ZFAND3: variants seen among roughly 807,000 people sequenced by gnomAD.
ZFAND3 encodes the protein zinc finger AN1-type containing 3, also known as AN1-type zinc finger protein 3.
In ZFAND3, 10 loss-of-function variants were observed where a neutral mutation model predicts 29.6. The ratio of observed to expected loss-of-function variants is 0.34; its 90% CI spans 0.21 to 0.57. ZFAND3 has a LOEUF of 0.57. ZFAND3 is among the 20% of genes least tolerant of loss of function. ZFAND3 has a pLI of 0.86. For synonymous variants in ZFAND3, 128 were observed against 112.6 expected, an observed-to-expected ratio of 1.14 and a Z score of -0.87; for missense variants, 230 against 304.5, an observed-to-expected ratio of 0.76 and a Z score of 1.82.
intron 2 of ZFAND3, among the ~76,000 whole-genome samples, chr6:37,932,278 T>G (rs796582972): frequency 1.3e-5 from 2 of 150,910 alleles, no homozygotes; most frequent in African/African-American, 2.4e-5. Flanking sequence ...AAAAAATAAA[T>G]AAATAAAAGG....
At chr6:38,083,053 G>A (rs112814452) in intron 4 of ZFAND3, among the ~76,000 whole-genome samples, 1 of 152,124 alleles carries the variant, frequency 6.6e-6, no homozygotes, top group Non-Finnish European at 1.5e-5. Context: ...TATTTTAAGC[G>A]ATATTTGCCT....
chr6:37,980,180 C>G (rs1387458730), intron 2 of ZFAND3, among the ~76,000 whole-genome samples: 1 of 128,174 alleles, frequency 7.8e-6, no homozygotes, highest in Non-Finnish European at 1.6e-5. Context: ...TTTTTTTTTG[C>G]TAGATATCCA....
chr6:37,852,696 T>C (rs974881482), intron 1 of ZFAND3, among the ~76,000 whole-genome samples: 2 of 151,914 alleles, frequency 1.3e-5, no homozygotes, highest in South Asian at 2.1e-4. Flanking sequence ...CACATTCTTA[T>C]GTGTATTTCC....
chr6:38,043,385 CT>C (rs1269602330), intron 2 of ZFAND3, among the ~76,000 whole-genome samples: 2 of 151,348 alleles, frequency 1.3e-5, no homozygotes, highest in East Asian at 2.0e-4. Context: ...TCTCCTCCCC[CT>C]CTCCTCTGCT....
intron 1 of ZFAND3, among the ~76,000 whole-genome samples, chr6:37,828,956 GTAT>G (rs776913194): frequency 1.4e-4 from 22 of 152,136 alleles, no homozygotes; most frequent in Non-Finnish European, 2.8e-4. Flanking sequence ...GGCCTGGATG[GTAT>G]TATTCTTTTT....
At chr6:37,976,584 CAAAA>C (rs35783371) in intron 2 of ZFAND3, among the ~76,000 whole-genome samples, 2 of 76,908 alleles carry the variant, frequency 2.6e-5, no homozygotes, top group East Asian at 4.5e-4. Context: ...ACACTGTCTC[CAAAA>C]AAAAAAAAAA....
intron 1 of ZFAND3, among the ~76,000 whole-genome samples, chr6:37,914,112 G>A (rs918807383): frequency 3.3e-5 from 5 of 152,162 alleles, no homozygotes; most frequent in African/African-American, 1.2e-4. Context: ...AATGAATGTT[G>A]TGTTTGCAGG....
intron 1 of ZFAND3, among the ~76,000 whole-genome samples, chr6:37,880,535 A>G (rs1177326463): frequency 6.6e-6 from 1 of 152,034 alleles, no homozygotes. Context: ...AGGATGAGAT[A>G]CCCCCTCTGA....
chr6:38,022,762 A>G (rs925314312), intron 2 of ZFAND3, among the ~76,000 whole-genome samples: 4 of 152,222 alleles, frequency 2.6e-5, no homozygotes, highest in African/African-American at 9.6e-5. Flanking sequence ...CTAAGAGCAG[A>G]TAGGTAAATT....
chr6:37,835,273 C>T (rs1763945363), intron 1 of ZFAND3, among the ~76,000 whole-genome samples: 1 of 152,124 alleles, frequency 6.6e-6, no homozygotes, highest in South Asian at 2.1e-4. Flanking sequence ...ATCTTCCTGC[C>T]TCAGCCTCCC....
intron 1 of ZFAND3, among the ~76,000 whole-genome samples, chr6:37,831,616 C>T (rs1043639085): frequency 1.3e-5 from 2 of 152,124 alleles, no homozygotes; most frequent in African/African-American, 2.4e-5. Flanking sequence ...GAACTGAGGG[C>T]GGCCAGGAGA....
chr6:37,996,192 G>C (rs577402430), intron 2 of ZFAND3, among the ~76,000 whole-genome samples: 2 of 151,564 alleles, frequency 1.3e-5, no homozygotes, highest in South Asian at 4.2e-4. Context: ...TTTAAGTGCA[G>C]ATTTTCAATG....
At chr6:38,016,532 T>C (rs143006090) in intron 2 of ZFAND3, among the ~76,000 whole-genome samples, 336 of 152,340 alleles carry the variant, frequency 2.2e-3, no homozygotes, top group Non-Finnish European at 4.1e-3. Flanking sequence ...AGGTTAACTT[T>C]GTTATTGTGC....
intron 2 of ZFAND3, among the ~76,000 whole-genome samples, chr6:38,020,767 C>T (rs181795696): frequency 6.6e-6 from 1 of 152,122 alleles, no homozygotes; most frequent in Non-Finnish European, 1.5e-5. Flanking sequence ...GGCTGATGAC[C>T]GTGGTGTTTG....
intron 2 of ZFAND3, among the ~76,000 whole-genome samples, chr6:38,027,547 T>C (rs931100088): frequency 6.6e-6 from 1 of 152,220 alleles, no homozygotes; most frequent in Non-Finnish European, 1.5e-5. Context: ...AAAATATCAA[T>C]GAATGTACTA....
chr6:38,088,096 A>G (rs1246850510), intron 4 of ZFAND3, among the ~76,000 whole-genome samples: 1 of 152,248 alleles, frequency 6.6e-6, no homozygotes, highest in Non-Finnish European at 1.5e-5. Flanking sequence ...CATGGAAACA[A>G]TATTCATTGG....
In ZFAND3 at chr6:38,041,627, ACTTTTT is replaced by A. The variant is rs1395251631; in HGVS notation, c.113-19962_113-19957del. Among the ~76,000 whole-genome samples, 189 of 66,484 alleles carry A rather than the reference ACTTTTT, an allele frequency of 2.8e-3. 6 individuals are homozygous for A. The highest frequency in any genetic ancestry group is 8.6e-3 in the African/African-American group (177 of 20,680). 43.6% of individuals were successfully genotyped at this position (66,484 alleles called of 152,430 possible). On this transcript the variant is annotated intron_variant, in intron 2 of 5. Transcript: ENST00000287218. ...TGATGTCACCACTGTTTTTTTATCT[ACTTTTT>A]CTTCTTCTTCTTCTTCTTCTTCTTC...
intron 2 of ZFAND3, among the ~76,000 whole-genome samples, chr6:38,047,999 G>GTT (rs1410947444): frequency 3.4e-5 from 5 of 146,822 alleles, no homozygotes; most frequent in African/African-American, 1.3e-4. Flanking sequence ...CTTTTTGTGT[G>GTT]TGTTTGTTTA....
At chr6:37,834,784 CATGCATATATAATGATATATGCTCAT>C (rs1763934958) in intron 1 of ZFAND3, among the ~76,000 whole-genome samples, 1 of 149,292 alleles carries the variant, frequency 6.7e-6, no homozygotes, top group South Asian at 2.1e-4. Context: ...ATGCATATAT[CATGCATATATAATGATATATGCTCAT>C]ATGCATATAT....
Sources: gnomAD v4.1 joint callset for allele counts (sites outside exome capture counted in the v4.1 genomes callset) on GRCh38, gnomAD v4.1.1 for gene constraint, MANE v1.5 for transcripts, NCBI Gene and HGNC (gene_info 2026-07-23, HGNC 2026-07-21) for gene names.